Variants in DOK6 observed in about 807,000 individuals in gnomAD.
DOK6 encodes the protein downstream of tyrosine kinase 6.
In DOK6, 22 loss-of-function variants were observed where a neutral mutation model predicts 44.0. That is an observed-to-expected ratio of 0.50 (90% CI 0.36 to 0.71). The LOEUF (loss-of-function observed/expected upper bound fraction) is 0.71, where lower values mean the gene tolerates loss of function less well. Among genes scored for constraint, DOK6 ranks in the 30% least tolerant of loss-of-function variants. The pLI, the probability that DOK6 is intolerant of heterozygous loss-of-function variation, is 0.00. For missense variants in DOK6, 340 were observed against 416.4 expected, an observed-to-expected ratio of 0.82 and a Z score of 1.60; for synonymous variants, 166 against 145.5, an observed-to-expected ratio of 1.14 and a Z score of -1.01.
intron 1 of DOK6, among the ~76,000 whole-genome samples, chr18:69,509,130 G>C (rs1981276451): frequency 6.6e-6 from 1 of 152,058 alleles, no homozygotes; most frequent in Non-Finnish European, 1.5e-5. Flanking sequence ...TGTCCACCTG[G>C]TTGTGCTTAT....
At chr18:69,617,403 T>G (rs1346486065) in intron 3 of DOK6, among the ~76,000 whole-genome samples, 1 of 127,248 alleles carries the variant, frequency 7.9e-6, no homozygotes, top group Non-Finnish European at 1.6e-5. Flanking sequence ...GAGAAAAGAC[T>G]GAGCGATAGG....
chr18:69,614,270 A>G (rs1408719660), intron 3 of DOK6, among the ~76,000 whole-genome samples: 1 of 152,118 alleles, frequency 6.6e-6, no homozygotes, highest in Non-Finnish European at 1.5e-5. Flanking sequence ...CTTTCCTACC[A>G]CAAGTCATCT....
intron 1 of DOK6, among the ~76,000 whole-genome samples, chr18:69,472,438 G>A (rs1332276328): frequency 1.3e-5 from 2 of 152,122 alleles, no homozygotes; most frequent in East Asian, 3.8e-4. Context: ...AGATTTCTGT[G>A]CTAAATCCAC....
chr18:69,662,102 C>T (rs1406966929), intron 3 of DOK6: 2 of 152,226 alleles, frequency 1.3e-5, no homozygotes, highest in African/African-American at 4.8e-5. Context: ...GCCTTAGCCT[C>T]CTGAGTAGCT....
Position 69,446,390 on chromosome 18 carries a change from C to T in DOK6, c.66+45080C>T, listed in dbSNP as rs1444757356. Among the ~76,000 whole-genome samples the T allele has an allele frequency of 1.6e-4, 24 of 151,956 alleles. No individual in the cohort carries two copies. In the East Asian group the frequency reaches 2.7e-3, roughly 17 times the overall value. On this transcript the variant is annotated intron_variant, in intron 1 of 7. Transcript: ENST00000382713. ...GTCCCTACAAAGGACATGAACTCAT[C>T]GTTTTTTATGGCTGCATAGTATTCC...
At chr18:69,724,839 A>T (rs1250189947) in intron 5 of DOK6, 3 of 152,180 alleles carry the variant, frequency 2.0e-5, no homozygotes, top group Non-Finnish European at 4.4e-5. Context: ...TCTCTCCAAG[A>T]TTATATGGAA....
At chr18:69,743,109 C>G (rs1490073479) in intron 6 of DOK6, among the ~76,000 whole-genome samples, 1 of 152,196 alleles carries the variant, frequency 6.6e-6, no homozygotes, top group Non-Finnish European at 1.5e-5. Flanking sequence ...TCTTCATTTT[C>G]AAACTACAAA....
intron 3 of DOK6, among the ~76,000 whole-genome samples, chr18:69,608,367 T>C (rs1339404678): frequency 6.6e-6 from 1 of 152,228 alleles, no homozygotes; most frequent in African/African-American, 2.4e-5. Flanking sequence ...AGTCTATATG[T>C]CTGCCTTCAC....
intron 1 of DOK6, among the ~76,000 whole-genome samples, chr18:69,455,763 C>T (rs567423961): frequency 6.6e-6 from 1 of 152,204 alleles, no homozygotes; most frequent in East Asian, 1.9e-4. Context: ...AGTCCTTCTC[C>T]TTCAGTAAAA....
intron 5 of DOK6, among the ~76,000 whole-genome samples, chr18:69,705,462 T>A (rs989160065): frequency 2.0e-5 from 3 of 152,204 alleles, no homozygotes; most frequent in African/African-American, 7.2e-5. Context: ...AAAGGTGCCT[T>A]GACTTTGTCA....
chr18:69,454,926 G>A lies in DOK6; in HGVS notation c.66+53616G>A, dbSNP rs577845567. 8.8e-3 allele frequency among the ~76,000 whole-genome samples: 1,045 copies of A among 118,956 alleles called. 19 individuals carry two copies. The highest frequency in any genetic ancestry group is 0.03 in the African/African-American group (952 of 31,812). 78.0% of individuals were successfully genotyped at this position (118,956 alleles called of 152,430 possible). A position where few individuals can be genotyped will look rare whatever the true frequency, so the allele number is the denominator to read the frequency against. On this transcript the variant is annotated intron_variant, in intron 1 of 7. Transcript: ENST00000382713. ...GACTGTGGTGGGGTGGGGGGAGGGG[G>A]GAGGGATAGCATTGGGAGATATACC...
intron 7 of DOK6, among the ~76,000 whole-genome samples, chr18:69,758,643 T>A (rs1197736106): frequency 6.6e-6 from 1 of 152,112 alleles, no homozygotes; most frequent in Non-Finnish European, 1.5e-5. Flanking sequence ...AGCAAGAAAC[T>A]AGAAACTAAG....
At chr18:69,599,178 A>G (rs1983814883) in intron 2 of DOK6, among the ~76,000 whole-genome samples, 1 of 152,174 alleles carries the variant, frequency 6.6e-6, no homozygotes. Flanking sequence ...AATGCAGCAA[A>G]CAATATAGTC....
rs1980693665 is a variant in DOK6 at position 69,490,107 on chromosome 18, T to A, written c.67-74380T>A. Among the ~76,000 whole-genome samples the A allele has an allele frequency of 2.0e-5, 3 of 152,212 alleles. No homozygotes were observed. In the South Asian group the frequency reaches 6.2e-4, roughly 31 times the overall value. On this transcript the variant is annotated intron_variant, in intron 1 of 7. Coordinates refer to ENST00000382713, the MANE Select transcript of DOK6 (RefSeq NM_152721.6). Reference sequence around the variant, plus strand: ...GCAAAAGAATTGTCCTGATATATTTTCTATTTTAAGAGTTTAAGAATGTCT... The same window carrying A: ...GCAAAAGAATTGTCCTGATATATTTACTATTTTAAGAGTTTAAGAATGTCT...
intron 2 of DOK6, among the ~76,000 whole-genome samples, chr18:69,585,991 C>T (rs1308598784): frequency 6.6e-6 from 1 of 152,108 alleles, no homozygotes; most frequent in Non-Finnish European, 1.5e-5. Context: ...GTTTTTCATG[C>T]CACCAGAACT....
chr18:69,703,022 A>C (rs574554604), intron 5 of DOK6, among the ~76,000 whole-genome samples: 2 of 147,950 alleles, frequency 1.4e-5, no homozygotes, highest in South Asian at 4.5e-4. Context: ...CAGTTTCCTA[A>C]GTCATTTAAT....
At chr18:69,509,116 A>G (rs1981275820) in intron 1 of DOK6, among the ~76,000 whole-genome samples, 1 of 152,146 alleles carries the variant, frequency 6.6e-6, no homozygotes, top group South Asian at 2.1e-4. Context: ...GGTAAGACAC[A>G]CCCTGTCCAC....
At chr18:69,566,415 C>T (rs1021249924) in intron 2 of DOK6, among the ~76,000 whole-genome samples, 30 of 152,158 alleles carry the variant, frequency 2.0e-4, no homozygotes, top group African/African-American at 5.1e-4. Flanking sequence ...GGATTACAGG[C>T]GCGAACCACC....
At chr18:69,541,663 T>C (rs998300197) in intron 1 of DOK6, among the ~76,000 whole-genome samples, 1 of 151,502 alleles carries the variant, frequency 6.6e-6, no homozygotes, top group Non-Finnish European at 1.5e-5. Flanking sequence ...AAGTTTTACC[T>C]TCCACAACCA....
Sources: gnomAD v4.1 joint callset for allele counts (sites outside exome capture counted in the v4.1 genomes callset) on GRCh38, gnomAD v4.1.1 for gene constraint, MANE v1.5 for transcripts, NCBI Gene and HGNC (gene_info 2026-07-23, HGNC 2026-07-21) for gene names.